The following POMT1 variants were observed in gnomAD, a reference collection of about 807,000 sequenced individuals.
POMT1 encodes the protein protein O-mannosyl-transferase 1.
POMT1 carries 85 observed loss-of-function variants against 101.6 expected under a neutral mutation model. That is an observed-to-expected ratio of 0.84 (90% CI 0.70 to 1.00). The LOEUF is 1.00. Ranked by LOEUF, POMT1 falls within the 50% of genes least tolerant of loss-of-function variation. POMT1 has a pLI of 0.00. For synonymous variants in POMT1, 371 were observed against 383.0 expected (o/e 0.97, Z 0.37); for missense variants, 857 against 930.4 (o/e 0.92, Z 1.03).
At chr9:131,513,396 C>A in intron 12 of POMT1, 65 bp downstream of exon 12, 2 of 1,452,832 alleles carry the variant, frequency 1.4e-6, no homozygotes, top group Non-Finnish European at 1.9e-6. Flanking sequence ...CTGTTCAGAC[C>A]AAAACGTGAG....
rs1428763564 is a variant in POMT1 at position 131,511,415 on chromosome 9, G to A, written c.934G>A (p.Gly312Arg). Residue 312 changes from glycine (G) to arginine (R), a missense_variant, in exon 10 of 20, where the codon GGG (glycine) becomes AGG (arginine). Gly to Arg is a moderately radical substitution (Grantham distance 125, BLOSUM62 -2). Coordinates refer to ENST00000402686, the MANE Select transcript of POMT1 (RefSeq NM_001077365.2). Reference protein sequence around the residue: ...GSQVTLRNVFGKPVPCWLHSH... With the variant: ...GSQVTLRNVFRKPVPCWLHSH... ...CCAGGTCACTCTGAGGAACGTCTTT[G>A]GGAAACCTGTGCCCTGCTGGCTTCA... is the stretch of plus-strand genomic sequence containing the variant. 8 of 1,614,034 alleles carry A rather than the reference G, an allele frequency of 5.0e-6. No individual in the cohort carries two copies. Among genetic ancestry groups the A allele is most frequent in the Non-Finnish European group, 6.8e-6 (8 of 1,180,028 alleles).
rs148086540 is a variant in POMT1 at position 131,506,100 on chromosome 9, GT to G, written c.123-5del. The G allele has an allele frequency of 8.8e-6, 14 of 1,590,392 alleles. No homozygotes were observed. In the East Asian group the frequency reaches 1.1e-4, roughly 13 times the overall value. On this transcript the variant is annotated splice_polypyrimidine_tract_variant and intron_variant, in intron 2 of 19. Coordinates refer to ENST00000402686, the MANE Select transcript of POMT1 (RefSeq NM_001077365.2). ...CTAATTGAATATAATATGGGTTGTT[GT>G]TTTTTTTTCTAGTTTTGACGAAGTA...
intron 9 of POMT1, 30 bp from the exon 10 acceptor site, chr9:131,511,307 T>C (rs1395882874): frequency 6.3e-7 from 1 of 1,592,930 alleles, no homozygotes; most frequent in Non-Finnish European, 8.6e-7. Context: ...TTTCTGTCTC[T>C]CACTCATCAA....
Position 131,519,379 on chromosome 9 carries a change from G to A in POMT1, c.1487-10G>A, listed in dbSNP as rs1285032218. ...ACTTCTATCTGTTATGCCCTTGTCT[G>A]TTCTGCCAGGCCAGGAGCAGAGGGA... On this transcript the variant is annotated splice_polypyrimidine_tract_variant and intron_variant, in intron 15 of 19. Transcript: ENST00000402686. The surrounding 1 kb of genome is among the most constrained non-coding windows in gnomAD (Gnocchi z 4.3). 4 of 1,551,320 alleles carry A rather than the reference G, an allele frequency of 2.6e-6. No homozygotes were observed. The highest frequency in any genetic ancestry group is 3.5e-6 in the Non-Finnish European group (4 of 1,146,926).
chr9:131,523,187 G>T lies in POMT1; in HGVS notation c.*81G>T. The T allele has an allele frequency of 6.5e-7, 1 of 1,531,548 alleles. No homozygotes were observed. Among genetic ancestry groups the T allele is most frequent in the Admixed American group, 1.8e-5 (1 of 54,466 alleles). 94.9% of individuals were successfully genotyped at this position (1,531,548 alleles called of 1,614,324 possible). A position where few individuals can be genotyped will look rare whatever the true frequency, so the allele number is the denominator to read the frequency against. Reference sequence around the variant, plus strand: ...TTGGTCAATGTACGTAATGAGCAGGGTGGGCCCCACGCTGGGAGGACACGG... The same window carrying T: ...TTGGTCAATGTACGTAATGAGCAGGTTGGGCCCCACGCTGGGAGGACACGG... On this transcript the variant is annotated 3_prime_UTR_variant, in exon 20 of 20. Transcript: ENST00000402686.
Position 131,519,620 on chromosome 9 carries a change from T to A in POMT1, c.1584+134T>A. ...AGCTACAGGCTCACAACAGAATGAG[T>A]GTCTCCTCTCTCCAGTGTAAGGGAC... On this transcript the variant is annotated intron_variant, in intron 16 of 19. Coordinates refer to ENST00000402686, the MANE Select transcript of POMT1 (RefSeq NM_001077365.2). The surrounding 1 kb of genome is among the most constrained non-coding windows in gnomAD (Gnocchi z 4.3). 1 of 863,252 alleles carries A rather than the reference T, an allele frequency of 1.2e-6. No homozygotes were observed. The highest frequency in any genetic ancestry group is 3.0e-4 in the Middle Eastern group (1 of 3,342). The allele number at this position is 863,252 out of a possible 1,614,324, so 53.5% of individuals were successfully genotyped here.
Position 131,506,588 on chromosome 9 carries a change from C to CT in POMT1, c.280+136dup, listed in dbSNP as rs149177205. ...CCCACAGAAACTGTGCCTTATTAAT[C>CT]TGAGTCCAGAAAATAATAAATTGGT... On this transcript the variant is annotated intron_variant, in intron 4 of 19. Coordinates refer to ENST00000402686, the MANE Select transcript of POMT1 (RefSeq NM_001077365.2). The CT allele has an allele frequency of 0.012, 9,607 of 831,290 alleles. 132 individuals carry two copies. The highest frequency in any genetic ancestry group is 0.012 in the Non-Finnish European group (6,058 of 486,780). The allele number at this position is 831,290 out of a possible 1,614,324, so 51.5% of individuals were successfully genotyped here. A position where few individuals can be genotyped will look rare whatever the true frequency, so the allele number is the denominator to read the frequency against.
chr9:131,503,207 T>A lies in POMT1; in HGVS notation c.-31+134T>A, dbSNP rs1177838108. ...CGTCTTTCCGGAGCTGGGGGCGGGG[T>A]TCGGGCCCGGGCAGATGCGGCGTTC... On this transcript the variant is annotated intron_variant, in intron 1 of 19. Coordinates refer to ENST00000402686, the MANE Select transcript of POMT1 (RefSeq NM_001077365.2). The surrounding 1 kb of genome is among the most constrained non-coding windows in gnomAD (Gnocchi z 4.4). The A allele has an allele frequency of 6.6e-6, 1 of 151,550 alleles. No individual in the cohort carries two copies. The highest frequency in any genetic ancestry group is 6.6e-5 in the Admixed American group (1 of 15,252). 9.4% of individuals were successfully genotyped at this position (151,550 alleles called of 1,614,324 possible). A position where few individuals can be genotyped will look rare whatever the true frequency, so the allele number is the denominator to read the frequency against.
Position 131,522,056 on chromosome 9 carries a change from T to TGCGCTGGGTGCTGGCTGGG in POMT1, c.1842_1860dup (p.Cys621GlyfsTer94), listed in dbSNP as rs1564390684. On this transcript the variant is annotated frameshift_variant, in exon 19 of 20. Transcript: ENST00000402686. LOFTEE classifies it high-confidence loss of function. This position sits in a 1 kb window ranked among gnomAD's most constrained non-coding sequence, Gnocchi z 5.5. ...GAGCCCTTTCCTATAGATGCCTGGC[T>TGCGCTGGGTGCTGGCTGGG]GCGCTGGGTGCTGGCTGGGGCGCTG... The TGCGCTGGGTGCTGGCTGGG allele has an allele frequency of 1.9e-6, 3 of 1,613,962 alleles. No homozygotes were observed. The highest frequency in any genetic ancestry group is 4.5e-5 in the East Asian group (2 of 44,874).
At chr9:131,510,981 C>CTG in intron 9 of POMT1, 1 of 275,914 alleles carries the variant, frequency 3.6e-6, no homozygotes, top group South Asian at 4.4e-5. Flanking sequence ...ACGGCCAGTG[C>CTG]TGTAGTGCTG....
chr9:131,520,283 A>C, intron 17 of POMT1, 90 bp downstream of exon 17: 2 of 1,150,614 alleles, frequency 1.7e-6, no homozygotes, highest in Non-Finnish European at 2.6e-6. Flanking sequence ...GCACCCTAGA[A>C]AGTGCTGGGT....
chr9:131,510,150 G>A, intron 8 of POMT1, 110 bp from the exon 9 acceptor site: 1 of 1,607,652 alleles, frequency 6.2e-7, no homozygotes, highest in Non-Finnish European at 8.5e-7. Flanking sequence ...AGGTGCCTCT[G>A]TATGGGAGGC....
chr9:131,509,968 A>G lies in POMT1; in HGVS notation c.671A>G (p.His224Arg). ...GGTGTTGCAGCTGTCCATGCCTGGC[A>G]CCTGCTTGGAGACCAGACTTTGTCC... ...VLGVAAVHAW[H>R]LLGDQTLSNV... Residue 224 changes from histidine (H) to arginine (R), a missense_variant, in exon 8 of 20, where the codon CAC (histidine) becomes CGC (arginine). Physicochemically the swap from His to Arg is conservative, Grantham distance 29 (BLOSUM62 0). Coordinates refer to ENST00000402686, the MANE Select transcript of POMT1 (RefSeq NM_001077365.2). The G allele has an allele frequency of 6.2e-7, 1 of 1,614,156 alleles. No homozygotes were observed. Among genetic ancestry groups the G allele is most frequent in the Non-Finnish European group, 8.5e-7 (1 of 1,180,040 alleles).
Position 131,511,456 on chromosome 9 carries a change from C to T in POMT1, c.975C>T (p.Thr325=), listed in dbSNP as rs1947097518. Residue 325 remains threonine, a synonymous_variant, in exon 10 of 20, where the codon ACC becomes ACT. Coordinates refer to ENST00000402686, the MANE Select transcript of POMT1 (RefSeq NM_001077365.2). ...GCTGGCTTCATTCCCACCAGGACACCTACCCCATGATGTAAGGTGATGGTT... is the reference window on the plus strand; with the variant it reads ...GCTGGCTTCATTCCCACCAGGACACTTACCCCATGATGTAAGGTGATGGTT... ...VPCWLHSHQD[T]YPMIYENGRG... is the part of the protein sequence containing the mutation. 2 of 1,614,162 alleles carry T rather than the reference C, an allele frequency of 1.2e-6. No homozygotes were observed. Among genetic ancestry groups the T allele is most frequent in the African/African-American group, 1.3e-5 (1 of 75,040 alleles).
rs1948110753 is a variant in POMT1, at chr9:131,515,499, C to T, written c.1249C>T (p.Pro417Ser). Residue 417 changes from proline (P) to serine (S), a missense_variant, in exon 13 of 20, where the codon CCC becomes TCC. Transcript: ENST00000402686. The stretch of plus-strand genomic sequence containing the variant: ...CTACATTGACTATAACATCTCCATG[C>T]CCGCCCAGAACCTCTGGAGACTGGT... ...SCYIDYNISM[P>S]AQNLWRLEIV... The T allele has an allele frequency of 1.2e-6, 2 of 1,614,190 alleles. No individual in the cohort carries two copies. Among genetic ancestry groups the T allele is most frequent in the Non-Finnish European group, 1.7e-6 (2 of 1,180,004 alleles).
In POMT1 at chr9:131,522,633, G is replaced by C; in HGVS notation, c.2004-299G>C. On this transcript the variant is annotated intron_variant, in intron 19 of 19. Coordinates refer to ENST00000402686, the MANE Select transcript of POMT1 (RefSeq NM_001077365.2). This position sits in a 1 kb window ranked among gnomAD's most constrained non-coding sequence, Gnocchi z 5.5. ...GTGTTTGGAGGTTGGAGCAGAGGGC[G>C]AGGGCCTCCCGGTTTCAGGAAGCCA... 1 of 550,594 alleles carries C rather than the reference G, an allele frequency of 1.8e-6. No individual in the cohort carries two copies. Among genetic ancestry groups the C allele is most frequent in the Non-Finnish European group, 3.3e-6 (1 of 306,068 alleles). The allele number at this position is 550,594 out of a possible 1,614,324, so 34.1% of individuals were successfully genotyped here.
At chr9:131,520,710 C>T (rs1949746725) in intron 17 of POMT1, among the ~76,000 whole-genome samples, 1 of 152,256 alleles carries the variant, frequency 6.6e-6, no homozygotes, top group Admixed American at 6.5e-5. Context: ...AGAGGCCGCC[C>T]CACCCCGAGC....
At chr9:131,518,565 G>C (rs1949231307) in intron 14 of POMT1, 28 bp downstream of exon 14, 8 of 1,582,948 alleles carry the variant, frequency 5.1e-6, no homozygotes, top group Non-Finnish European at 6.9e-6. Flanking sequence ...GGCTTGGCCT[G>C]TCCTGAGCTG....
intron 13 of POMT1, chr9:131,516,412 G>T (rs1948690496): frequency 6.1e-6 from 1 of 162,620 alleles, no homozygotes; most frequent in Non-Finnish European, 1.4e-5. Flanking sequence ...TTCCTCACAG[G>T]GAGCACTCCA....
Sources: gnomAD v4.1 joint callset for allele counts (sites outside exome capture counted in the v4.1 genomes callset) on GRCh38, gnomAD v4.1.1 for gene constraint, Gnocchi (gnomAD v3.1) non-coding constraint, MANE v1.5 for transcripts, NCBI Gene and HGNC (gene_info 2026-07-23, HGNC 2026-07-21) for gene names.